The following AK4 variants were observed in gnomAD, a reference collection of about 807,000 sequenced individuals.
AK4 encodes the protein adenylate kinase 4, also known as adenylate kinase 4, mitochondrial.
A neutral mutation model predicts 24.6 loss-of-function variants in AK4; 13 were observed. The observed-to-expected ratio is 0.53, with a 90% CI of 0.34 to 0.84. The LOEUF is 0.84. AK4 is among the 40% of genes least tolerant of loss of function. AK4 has a pLI of 0.01. For synonymous variants in AK4, 88 were observed against 107.0 expected, an observed-to-expected ratio of 0.82 and a Z score of 1.10; for missense variants, 192 against 288.2, an observed-to-expected ratio of 0.67 and a Z score of 2.42.
At position 65,188,807 on chromosome 1, in the gene AK4, C is replaced by T. The variant is rs560832262; in HGVS notation, c.146-1903C>T. On this transcript the variant is annotated intron_variant, in intron 1 of 4. Transcript: ENST00000327299. The stretch of plus-strand genomic sequence containing the variant: ...TATATATTTTTTTGAGATGGAGTCT[C>T]GCTGTCGCCTGGGCTGAAATGCAGT... Among the ~76,000 whole-genome samples, 166 of 151,450 alleles carry T rather than the reference C, an allele frequency of 1.1e-3. 4 individuals are homozygous for T. The highest frequency in any genetic ancestry group is 7.4e-5 in the Non-Finnish European group (5 of 67,878).
chr1:65,216,797 G>C lies in AK4; in HGVS notation c.266-1957G>C, dbSNP rs1313092937. ...GCAGCCTTGAACTCCTTGGGCTCAA[G>C]TAATCCTCCCACCTCAGCTTCCCAA... On this transcript the variant is annotated intron_variant, in intron 2 of 4. Transcript: ENST00000327299. Among the ~76,000 whole-genome samples, 2 of 143,396 alleles carry C rather than the reference G, an allele frequency of 1.4e-5. 1 individual carries two copies. Among genetic ancestry groups the C allele is most frequent in the African/African-American group, 6.0e-5 (2 of 33,506 alleles). The allele number at this position is 143,396 out of a possible 152,430, so 94.1% of individuals were successfully genotyped here.
At chr1:65,165,213 TCTA>T (rs1342790819) in intron 1 of AK4, among the ~76,000 whole-genome samples, 1 of 152,180 alleles carries the variant, frequency 6.6e-6, no homozygotes, top group Admixed American at 6.5e-5. Context: ...ATCTCTAGTG[TCTA>T]ACATACCTTG....
chr1:65,189,734 G>A (rs1481929613), intron 1 of AK4, among the ~76,000 whole-genome samples: 3 of 151,656 alleles, frequency 2.0e-5, no homozygotes, highest in African/African-American at 7.3e-5. Flanking sequence ...TTGTTCTGCT[G>A]AACCTAACTC....
At chr1:65,225,525 T>C (rs1314825426) in intron 4 of AK4, among the ~76,000 whole-genome samples, 1 of 152,214 alleles carries the variant, frequency 6.6e-6, no homozygotes, top group Non-Finnish European at 1.5e-5. Context: ...AGTTTTCATA[T>C]TGGCAACATA....
At chr1:65,155,605 T>A (rs1327108669) in intron 1 of AK4, among the ~76,000 whole-genome samples, 1 of 152,154 alleles carries the variant, frequency 6.6e-6, no homozygotes, top group Non-Finnish European at 1.5e-5. Context: ...AAACAATCAC[T>A]TGTAATTTAC....
chr1:65,220,251 G>A (rs1652256231), intron 3 of AK4, among the ~76,000 whole-genome samples: 1 of 152,190 alleles, frequency 6.6e-6, no homozygotes, highest in South Asian at 2.1e-4. Context: ...TAAAGACCAA[G>A]GAGTGTAATT....
chr1:65,178,147 T>G (rs1650780448), intron 1 of AK4, among the ~76,000 whole-genome samples: 1 of 152,138 alleles, frequency 6.6e-6, no homozygotes, highest in African/African-American at 2.4e-5. Context: ...TGATAATTCT[T>G]CATCTCAAGT....
intron 2 of AK4, among the ~76,000 whole-genome samples, chr1:65,198,308 A>G (rs541021651): frequency 6.6e-6 from 1 of 152,366 alleles, no homozygotes; most frequent in South Asian, 2.1e-4. Context: ...TGTGGATTGC[A>G]CAATTAAAAT....
chr1:65,190,449 T>TGTG (rs1651266126), intron 1 of AK4, among the ~76,000 whole-genome samples: 1 of 52,524 alleles, frequency 1.9e-5, no homozygotes, highest in African/African-American at 4.5e-5. Context: ...TTCCTTTTTT[T>TGTG]GGGGGGGGGG....
rs11208611 is a variant in AK4 at position 65,218,742 on chromosome 1, C to T, written c.266-12C>T. On this transcript the variant is annotated splice_polypyrimidine_tract_variant and intron_variant, in intron 2 of 4. Transcript: ENST00000327299. ...TAGCTTGCATTTCACTTGTTTTGTT[C>T]TTTGCATTTAGGTTTTCCTAGGACA... is the stretch of plus-strand genomic sequence containing the variant. The T allele has an allele frequency of 0.38, 588,340 of 1,556,418 alleles. 124,005 individuals carry two copies. The highest frequency in any genetic ancestry group is 0.8 in the African/African-American group (57,703 of 71,926).
At chr1:65,167,251 T>C (rs1271221574) in intron 1 of AK4, among the ~76,000 whole-genome samples, 1 of 152,252 alleles carries the variant, frequency 6.6e-6, no homozygotes, top group Non-Finnish European at 1.5e-5. Context: ...GCTGCTGATA[T>C]ATCTGATTCA....
intron 1 of AK4, among the ~76,000 whole-genome samples, chr1:65,167,752 C>T (rs904391283): frequency 6.6e-6 from 1 of 152,204 alleles, no homozygotes; most frequent in Admixed American, 6.5e-5. Context: ...ACAGCTAACT[C>T]GCCTTCTCTG....
chr1:65,179,655 A>G (rs1399372363), intron 1 of AK4, among the ~76,000 whole-genome samples: 1 of 152,078 alleles, frequency 6.6e-6, no homozygotes, highest in Non-Finnish European at 1.5e-5. Flanking sequence ...CGTGGGTAAC[A>G]TGATGAGACC....
chr1:65,215,891 A>G (rs1398091853), intron 2 of AK4, among the ~76,000 whole-genome samples: 1 of 152,252 alleles, frequency 6.6e-6, no homozygotes, highest in East Asian at 1.9e-4. Context: ...TTTCTTTTCT[A>G]GTGCTTCCCC....
intron 2 of AK4, among the ~76,000 whole-genome samples, chr1:65,214,155 A>T (rs1652053131): frequency 6.6e-6 from 1 of 152,196 alleles, no homozygotes; most frequent in Non-Finnish European, 1.5e-5. Context: ...TCTGTTGCCC[A>T]GGCTGGAGTG....
At chr1:65,208,145 C>T (rs1651865846) in intron 2 of AK4, among the ~76,000 whole-genome samples, 1 of 152,190 alleles carries the variant, frequency 6.6e-6, no homozygotes, top group Admixed American at 6.5e-5. Flanking sequence ...TTTACATTCC[C>T]ACTAGCAGTG....
chr1:65,175,909 C>T (rs2375596), intron 1 of AK4, among the ~76,000 whole-genome samples: 8 of 152,024 alleles, frequency 5.3e-5, no homozygotes, highest in South Asian at 2.1e-4. Context: ...TATATAAAGC[C>T]GCGTGTGGTA....
chr1:65,170,870 G>C (rs1165721999), intron 1 of AK4, among the ~76,000 whole-genome samples: 3 of 152,060 alleles, frequency 2.0e-5, no homozygotes, highest in African/African-American at 7.2e-5. Context: ...AGGCAAAGCA[G>C]CCCTCTGTTA....
intron 1 of AK4, among the ~76,000 whole-genome samples, chr1:65,174,139 A>G (rs1650632708): frequency 1.3e-5 from 2 of 152,084 alleles, no homozygotes; most frequent in Admixed American, 1.3e-4. Context: ...TTGGCTTTCT[A>G]ATCCAGAATA....
Sources: gnomAD v4.1 joint callset for allele counts (sites outside exome capture counted in the v4.1 genomes callset) on GRCh38, gnomAD v4.1.1 for gene constraint, MANE v1.5 for transcripts, NCBI Gene and HGNC (gene_info 2026-07-23, HGNC 2026-07-21) for gene names.